The following NHERF4 variants were observed in gnomAD, a reference collection of about 807,000 sequenced individuals.
NHERF4 encodes NHERF family PDZ scaffold protein 4.
the NHERF4 span, chr11:119,186,389 C>A: frequency 6.4e-7 from 1 of 1,561,128 alleles, no homozygotes; most frequent in Non-Finnish European, 8.8e-7. The surrounding 1 kb of genome is among the most constrained non-coding windows in gnomAD (Gnocchi z 4.4). Flanking sequence ...AGCACCCTAT[C>A]AGGACACAGG....
chr11:119,187,388 GC>G, the NHERF4 span: 2 of 1,614,076 alleles, frequency 1.2e-6, no homozygotes, highest in Non-Finnish European at 1.7e-6. Flanking sequence ...CCCACCCTAG[GC>G]CCAGGGGTCC....
At chr11:119,186,159 C>T in the NHERF4 span, 2 of 1,614,124 alleles carry the variant, frequency 1.2e-6, no homozygotes, top group Non-Finnish European at 1.7e-6. This position sits in a 1 kb window ranked among gnomAD's most constrained non-coding sequence, Gnocchi z 4.4. Flanking sequence ...AGACCACGAC[C>T]CCTATGGTAA....
chr11:119,189,892 G>A, the NHERF4 span: 14 of 336,612 alleles, frequency 4.2e-5, no homozygotes, highest in Admixed American at 8.5e-5. The surrounding 1 kb of genome is among the most constrained non-coding windows in gnomAD (Gnocchi z 5.8). Context: ...TTAGCATTGC[G>A]GGAGGGTGGT....
the NHERF4 span, chr11:119,188,220 T>G: frequency 6.5e-7 from 1 of 1,537,524 alleles, no homozygotes; most frequent in East Asian, 2.3e-5. Context: ...CACCTTTCAG[T>G]GCACCGAAGA....
chr11:119,186,509 G>A, the NHERF4 span: 14 of 1,614,178 alleles, frequency 8.7e-6, no homozygotes, highest in South Asian at 1.3e-4. This position sits in a 1 kb window ranked among gnomAD's most constrained non-coding sequence, Gnocchi z 4.4. Flanking sequence ...CCTCGCTTCT[G>A]TTTACTGAGC....
chr11:119,188,136 G>C, the NHERF4 span: 1 of 1,541,574 alleles, frequency 6.5e-7, no homozygotes, highest in Admixed American at 2.0e-5. Context: ...GGCCTTGACG[G>C]TCGCCCTGGT....
chr11:119,189,200 G>A, the NHERF4 span: 1 of 1,606,448 alleles, frequency 6.2e-7, no homozygotes, highest in Non-Finnish European at 8.5e-7. The surrounding 1 kb of genome is among the most constrained non-coding windows in gnomAD (Gnocchi z 5.8). Context: ...CCCTGGGGCT[G>A]CAGAGGTGAG....
At chr11:119,186,257 G>C in the NHERF4 span, 1 of 1,613,328 alleles carries the variant, frequency 6.2e-7, no homozygotes, top group Non-Finnish European at 8.5e-7. The surrounding 1 kb of genome is among the most constrained non-coding windows in gnomAD (Gnocchi z 4.4). Flanking sequence ...CACTCACTCG[G>C]TCTCCCTCTG....
the NHERF4 span, chr11:119,188,392 C>A: frequency 2.5e-6 from 4 of 1,613,934 alleles, no homozygotes; most frequent in South Asian, 3.3e-5. Context: ...GACTGCCAGC[C>A]AAGAAGGCTG....
chr11:119,188,206 T>C, the NHERF4 span: 2 of 1,525,310 alleles, frequency 1.3e-6, no homozygotes, highest in East Asian at 4.8e-5. Context: ...CACAAGCGTA[T>C]ATACACCTTT....
At chr11:119,186,006 C>T in the NHERF4 span, 33 of 1,613,702 alleles carry the variant, frequency 2.0e-5, no homozygotes, top group African/African-American at 2.7e-5. This position sits in a 1 kb window ranked among gnomAD's most constrained non-coding sequence, Gnocchi z 4.4. Context: ...GGCAGCGAAG[C>T]GCTTCACTGC....
the NHERF4 span, chr11:119,186,782 C>A: frequency 8.1e-7 from 1 of 1,234,238 alleles, no homozygotes; most frequent in Non-Finnish European, 1.1e-6. This position sits in a 1 kb window ranked among gnomAD's most constrained non-coding sequence, Gnocchi z 4.4. Context: ...GGGCACAAGC[C>A]TCACTCCCCC....
chr11:119,186,770 C>G, the NHERF4 span: 1 of 1,349,134 alleles, frequency 7.4e-7, no homozygotes, highest in Non-Finnish European at 1.0e-6. The surrounding 1 kb of genome is among the most constrained non-coding windows in gnomAD (Gnocchi z 4.4). Flanking sequence ...AGTATGGCAG[C>G]AGGGCACAAG....
the NHERF4 span, chr11:119,185,497 G>A: frequency 1.2e-6 from 2 of 1,613,980 alleles, no homozygotes; most frequent in African/African-American, 2.7e-5. Flanking sequence ...ATCCAGCTAT[G>A]GAGAAAGCCG....
the NHERF4 span, chr11:119,188,206 T>A: frequency 6.6e-7 from 1 of 1,525,310 alleles, no homozygotes; most frequent in Middle Eastern, 1.7e-4. Flanking sequence ...CACAAGCGTA[T>A]ATACACCTTT....
the NHERF4 span, among the ~76,000 whole-genome samples, chr11:119,187,101 T>C: frequency 1.9e-4 from 28 of 146,464 alleles, no homozygotes; most frequent in Admixed American, 2.8e-4. Context: ...GATCGCACCA[T>C]TGCACTCCAA....
chr11:119,188,165 C>T, the NHERF4 span: 15 of 1,519,602 alleles, frequency 9.9e-6, no homozygotes, highest in African/African-American at 8.3e-5. Flanking sequence ...GCCCTGGGGG[C>T]GGTGGGGGAA....
At chr11:119,187,300 C>T in the NHERF4 span, 7 of 1,609,752 alleles carry the variant, frequency 4.3e-6, no homozygotes, top group African/African-American at 1.3e-5. Flanking sequence ...CAGCAGCCCT[C>T]GGGTGTTGCT....
chr11:119,187,693 C>T, the NHERF4 span: 1 of 1,509,366 alleles, frequency 6.6e-7, no homozygotes, highest in Non-Finnish European at 8.8e-7. Flanking sequence ...AACCAACTCA[C>T]CAGGAAGGTG....
Sources: gnomAD v4.1 joint callset for allele counts (sites outside exome capture counted in the v4.1 genomes callset) on GRCh38, gnomAD v4.1.1 for gene constraint, Gnocchi (gnomAD v3.1) non-coding constraint, MANE v1.5 for transcripts, NCBI Gene and HGNC (gene_info 2026-07-23, HGNC 2026-07-21) for gene names.